Variants in L2HGDH observed in about 807,000 individuals in gnomAD.
L2HGDH encodes L-2-hydroxyglutarate dehydrogenase, also known as L-2-hydroxyglutarate dehydrogenase, mitochondrial.
L2HGDH carries 34 observed loss-of-function variants against 51.5 expected under a neutral mutation model. The ratio of observed to expected loss-of-function variants is 0.66; its 90% CI spans 0.50 to 0.88. L2HGDH has a LOEUF of 0.88. Among genes scored for constraint, L2HGDH ranks in the 40% least tolerant of loss-of-function variants. The probability of loss-of-function intolerance (pLI) is 0.00; values close to 1 mark genes in which losing one functional copy is unlikely to be tolerated. For synonymous variants in L2HGDH, 198 were observed against 197.9 expected (o/e 1.00, Z -0.01); for missense variants, 558 against 571.9 (o/e 0.98, Z 0.25).
At position 50,243,855 on chromosome 14, in the gene L2HGDH, C is replaced by G. The variant is rs1887895101; in HGVS notation, c.*3203G>C. 8.1e-6 allele frequency: 1 copy of G among 123,126 alleles called. No homozygotes were observed. Among genetic ancestry groups the G allele is most frequent in the African/African-American group, 3.0e-5 (1 of 33,582 alleles). The allele number at this position is 123,126 out of a possible 1,614,324, so 7.6% of individuals were successfully genotyped here. ...CCCTCCCCCCACCCCACAACAGTCC[C>G]CAGAGTGTGATGTTCCCCTTCCTGT... On this transcript the variant is annotated 3_prime_UTR_variant, in exon 10 of 10. Coordinates refer to ENST00000267436, the MANE Select transcript of L2HGDH (RefSeq NM_024884.3).
At chr14:50,249,064 A>G (rs1427980537) in intron 9 of L2HGDH, among the ~76,000 whole-genome samples, 2 of 152,194 alleles carry the variant, frequency 1.3e-5, no homozygotes, top group African/African-American at 4.8e-5. Flanking sequence ...ACAGTGGAGA[A>G]TAAAGCTGGG....
chr14:50,282,103 G>C (rs1890305092), intron 5 of L2HGDH, among the ~76,000 whole-genome samples: 1 of 152,060 alleles, frequency 6.6e-6, no homozygotes, highest in Non-Finnish European at 1.5e-5. Context: ...GCCTCCCAAA[G>C]TGCTGGGATT....
chr14:50,275,829 T>C (rs57843266), intron 6 of L2HGDH, among the ~76,000 whole-genome samples: 6,880 of 152,250 alleles, frequency 0.045, 463 homozygotes, highest in African/African-American at 0.14. Context: ...TACTATTACC[T>C]CAATCATCTA....
chr14:50,273,281 G>T (rs928406960), intron 6 of L2HGDH, among the ~76,000 whole-genome samples: 3 of 152,160 alleles, frequency 2.0e-5, no homozygotes, highest in Admixed American at 1.3e-4. Flanking sequence ...GACCTGCCCT[G>T]TGGATGTTAG....
At chr14:50,259,959 GGGAGAAAGAA>G (rs1244847307) in intron 9 of L2HGDH, among the ~76,000 whole-genome samples, 1 of 149,424 alleles carries the variant, frequency 6.7e-6, no homozygotes, top group African/African-American at 2.5e-5. Context: ...AGGGGAGGGA[GGGAGAAAGAA>G]GGAGAGAGAA....
At chr14:50,255,293 G>A (rs1299874463) in intron 9 of L2HGDH, among the ~76,000 whole-genome samples, 1 of 151,898 alleles carries the variant, frequency 6.6e-6, no homozygotes, top group South Asian at 2.1e-4. Flanking sequence ...CCAGAACTTC[G>A]AGAGGCCAAA....
intron 9 of L2HGDH, among the ~76,000 whole-genome samples, chr14:50,250,914 C>T (rs181727149): frequency 4.3e-4 from 65 of 152,312 alleles, no homozygotes; most frequent in Non-Finnish European, 7.1e-4. Flanking sequence ...CAAACAAGCT[C>T]AGACTGTGAA....
intron 3 of L2HGDH, 137 bp from the exon 4 acceptor site, chr14:50,294,383 T>C (rs955271005): frequency 3.9e-6 from 3 of 776,656 alleles, no homozygotes; most frequent in African/African-American, 3.5e-5. Flanking sequence ...TTTCTTCACA[T>C]ATCTAATTCT....
chr14:50,286,911 A>C (rs1412974989), intron 4 of L2HGDH, among the ~76,000 whole-genome samples: 2 of 152,080 alleles, frequency 1.3e-5, no homozygotes, highest in East Asian at 3.9e-4. Flanking sequence ...TTACACTATA[A>C]CCTCCTTCAG....
At chr14:50,311,887 C>A (rs1188200196) in intron 1 of L2HGDH, 124 bp downstream of exon 1, 4 of 1,343,180 alleles carry the variant, frequency 3.0e-6, no homozygotes, top group Non-Finnish European at 4.1e-6. Flanking sequence ...GGTTGGAGTG[C>A]CACAGGACCC....
At chr14:50,270,856 T>A (rs1433565400) in intron 6 of L2HGDH, among the ~76,000 whole-genome samples, 1 of 152,114 alleles carries the variant, frequency 6.6e-6, no homozygotes, top group East Asian at 1.9e-4. Context: ...CACCTCTATA[T>A]GTATCCTATT....
Position 50,312,204 on chromosome 14 carries a change from A to T in L2HGDH, c.-54T>A, listed in dbSNP as rs1237766235. 1 of 1,596,102 alleles carries T rather than the reference A, an allele frequency of 6.3e-7. No homozygotes were observed. Among genetic ancestry groups the T allele is most frequent in the South Asian group, 1.1e-5 (1 of 89,488 alleles). ...CTCAGAAGAAGCCACTTGACCCTCC[A>T]CGGCCGAGGACCCGCGCTCTTTAGC... On this transcript the variant is annotated 5_prime_UTR_variant, in exon 1 of 10. Coordinates refer to ENST00000267436, the MANE Select transcript of L2HGDH (RefSeq NM_024884.3).
intron 6 of L2HGDH, among the ~76,000 whole-genome samples, chr14:50,270,770 T>C (rs1889635341): frequency 6.6e-6 from 1 of 151,972 alleles, no homozygotes; most frequent in Admixed American, 6.6e-5. Flanking sequence ...CCTCCCAAAG[T>C]GCTGGGATTA....
At chr14:50,254,183 T>C (rs77892020) in intron 9 of L2HGDH, among the ~76,000 whole-genome samples, 81 of 152,142 alleles carry the variant, frequency 5.3e-4, no homozygotes, top group Non-Finnish European at 9.0e-4. Flanking sequence ...TAAAAATAAC[T>C]AAGAGTGTAA....
At chr14:50,262,312 C>A (rs1487441800) in intron 9 of L2HGDH, among the ~76,000 whole-genome samples, 1 of 151,792 alleles carries the variant, frequency 6.6e-6, no homozygotes, top group African/African-American at 2.4e-5. Context: ...TGCCTGTAAT[C>A]CCAGCTACTC....
intron 4 of L2HGDH, among the ~76,000 whole-genome samples, chr14:50,290,047 C>T (rs937954839): frequency 7.9e-5 from 12 of 152,028 alleles, no homozygotes; most frequent in Admixed American, 7.2e-4. Flanking sequence ...GGGCGGATCA[C>T]GAGGTCAGGA....
At chr14:50,309,957 A>G (rs1381191181) in intron 1 of L2HGDH, among the ~76,000 whole-genome samples, 1 of 151,960 alleles carries the variant, frequency 6.6e-6, no homozygotes, top group Non-Finnish European at 1.5e-5. Context: ...GGCCTCCCAA[A>G]GTGCTGAGAT....
chr14:50,269,462 G>T, intron 6 of L2HGDH, 132 bp from the exon 7 acceptor site: 3 of 798,154 alleles, frequency 3.8e-6, no homozygotes, highest in Non-Finnish European at 6.1e-6. Context: ...TTCAATACAG[G>T]TATCAGCAAA....
At chr14:50,284,642 G>C (rs1890465185) in intron 4 of L2HGDH, among the ~76,000 whole-genome samples, 1 of 152,148 alleles carries the variant, frequency 6.6e-6, no homozygotes, top group Non-Finnish European at 1.5e-5. Flanking sequence ...AAGGATAAGA[G>C]GAGAATTTCA....
Sources: gnomAD v4.1 joint callset for allele counts (sites outside exome capture counted in the v4.1 genomes callset) on GRCh38, gnomAD v4.1.1 for gene constraint, MANE v1.5 for transcripts, NCBI Gene and HGNC (gene_info 2026-07-23, HGNC 2026-07-21) for gene names.